The following NAV2 variants were observed in gnomAD, a reference collection of about 807,000 sequenced individuals.
The protein encoded by NAV2 is neuron navigator 2.
In NAV2, 54 loss-of-function variants were observed where a neutral mutation model predicts 223.2. That is an observed-to-expected ratio of 0.24 (90% CI 0.19 to 0.30). The LOEUF (loss-of-function observed/expected upper bound fraction) is 0.30, where lower values mean the gene tolerates loss of function less well. NAV2 is among the 10% of genes least tolerant of loss of function. The pLI, the probability that NAV2 is intolerant of heterozygous loss-of-function variation, is 1.00. For synonymous variants in NAV2, 1,279 were observed against 1,239.3 expected, an observed-to-expected ratio of 1.03 and a Z score of -0.67; for missense variants, 2,806 against 3,147.5, an observed-to-expected ratio of 0.89 and a Z score of 2.60.
At chr11:19,581,954 T>A (rs1162507817) in intron 1 of NAV2, among the ~76,000 whole-genome samples, 1 of 152,248 alleles carries the variant, frequency 6.6e-6, no homozygotes, top group Non-Finnish European at 1.5e-5. Flanking sequence ...ACTTCCACAA[T>A]GGTTGAACTA....
intron 1 of NAV2, among the ~76,000 whole-genome samples, chr11:19,745,180 T>G (rs1445297561): frequency 6.6e-6 from 1 of 152,218 alleles, no homozygotes; most frequent in Non-Finnish European, 1.5e-5. Context: ...CAGAAACTGC[T>G]CATGATCCTG....
chr11:19,693,535 A>T (rs1280719628), intron 1 of NAV2, among the ~76,000 whole-genome samples: 1 of 152,226 alleles, frequency 6.6e-6, no homozygotes, highest in Non-Finnish European at 1.5e-5. Context: ...AATAAAACAA[A>T]AATATATTTA....
At chr11:19,613,440 T>A (rs1468740643) in intron 1 of NAV2, among the ~76,000 whole-genome samples, 2 of 152,224 alleles carry the variant, frequency 1.3e-5, no homozygotes, top group East Asian at 3.8e-4. Flanking sequence ...TATGGACAGA[T>A]CTCCCAGGAG....
At chr11:19,694,571 C>T (rs554328377) in intron 1 of NAV2, among the ~76,000 whole-genome samples, 2 of 152,306 alleles carry the variant, frequency 1.3e-5, no homozygotes, top group African/African-American at 4.8e-5. Context: ...AAGTAACCCA[C>T]CTCTGGTCAT....
chr11:19,777,153 G>A lies in NAV2; in HGVS notation c.268-55331G>A, dbSNP rs1363003905. ...CCCAGCGGCCTCCGCGCTGCGAGGA[G>A]CGGGCGCTTGGACACAGGGCGAGTT... On this transcript the variant is annotated intron_variant, in intron 1 of 37. Coordinates refer to ENST00000349880, the MANE Select transcript of NAV2 (RefSeq NM_145117.5). 7.4e-5 allele frequency among the ~76,000 whole-genome samples: 11 copies of A among 149,508 alleles called. No homozygotes were observed. The East Asian group carries it at 2.3e-3, about 31-fold the overall frequency.
rs749419212 is a variant in NAV2 at position 20,093,219 on chromosome 11, C to G, written c.5916+20C>G. On this transcript the variant is annotated intron_variant, in intron 29 of 37. Coordinates refer to ENST00000349880, the MANE Select transcript of NAV2 (RefSeq NM_145117.5). ...AAGGAGGTTAGTTGGATCCCTTTCCCTGCTTTGCCTGTCCCTCCCCCAGGT... is the reference window on the plus strand; with the variant it reads ...AAGGAGGTTAGTTGGATCCCTTTCCGTGCTTTGCCTGTCCCTCCCCCAGGT... 11 of 1,521,072 alleles carry G rather than the reference C, an allele frequency of 7.2e-6. No homozygotes were observed. In the South Asian group the frequency reaches 1.2e-4, roughly 17 times the overall value. The allele number at this position is 1,521,072 out of a possible 1,614,324, so 94.2% of individuals were successfully genotyped here.
rs571847430 is a variant in NAV2 at position 19,729,907 on chromosome 11, G to A, written c.267+15945G>A. On this transcript the variant is annotated intron_variant, in intron 1 of 37. Transcript: ENST00000349880. ...ACAAATAAGAATGGAGAGGGGAAGG[G>A]GTTGTGTACTCAGCACTTACTATGT... Among the ~76,000 whole-genome samples, 5 of 152,274 alleles carry A rather than the reference G, an allele frequency of 3.3e-5. No individual in the cohort carries two copies. The South Asian group carries it at 1.0e-3, about 32-fold the overall frequency.
chr11:19,440,977 G>A (rs2632067), intron 1 of NAV2, among the ~76,000 whole-genome samples: 5,411 of 152,218 alleles, frequency 0.036, 314 homozygotes, highest in African/African-American at 0.12. Context: ...AGGAAAACAG[G>A]CATTAAATAA....
At chr11:19,716,701 A>T (rs1355319487) in intron 1 of NAV2, among the ~76,000 whole-genome samples, 3 of 152,100 alleles carry the variant, frequency 2.0e-5, no homozygotes, top group Admixed American at 1.3e-4. Context: ...TTTACATATA[A>T]TCTCATTTCA....
intron 10 of NAV2, among the ~76,000 whole-genome samples, chr11:19,972,766 C>T (rs762417409): frequency 5.9e-5 from 9 of 152,154 alleles, no homozygotes; most frequent in South Asian, 2.1e-4. Flanking sequence ...ATCTGCTTGC[C>T]CCAAGCTGAC....
intron 1 of NAV2, among the ~76,000 whole-genome samples, chr11:19,517,051 A>G (rs1353225654): frequency 6.6e-6 from 1 of 152,020 alleles, no homozygotes; most frequent in African/African-American, 2.4e-5. Context: ...CTCTCCAAAA[A>G]AAAAAAATAA....
intron 5 of NAV2, among the ~76,000 whole-genome samples, chr11:19,881,695 C>T (rs562340940): frequency 1.3e-5 from 2 of 152,284 alleles, no homozygotes; most frequent in East Asian, 3.9e-4. Context: ...GAGGTGCCTG[C>T]TCTCCTATGC....
chr11:20,112,645 G>A lies in NAV2; in HGVS notation c.6961-1947G>A, dbSNP rs76034120. On this transcript the variant is annotated intron_variant, in intron 36 of 37. Transcript: ENST00000349880. ...CCTGCTCTGGGTCTGGCTGAGTCACGTGGCTCACATGACTCAGAGTTGTTC... is the reference window on the plus strand; with the variant it reads ...CCTGCTCTGGGTCTGGCTGAGTCACATGGCTCACATGACTCAGAGTTGTTC... Among the ~76,000 whole-genome samples, 192 of 152,298 alleles carry A rather than the reference G, an allele frequency of 1.3e-3. 1 individual carries two copies. In the East Asian group the frequency reaches 0.035, roughly 28 times the overall value.
At chr11:19,705,741 G>GT (rs533769749) in intron 1 of NAV2, among the ~76,000 whole-genome samples, 40 of 152,148 alleles carry the variant, frequency 2.6e-4, no homozygotes, top group African/African-American at 9.4e-4. Context: ...CAAGTATTTG[G>GT]TAGCATAGCA....
intron 1 of NAV2, among the ~76,000 whole-genome samples, chr11:19,458,174 C>A (rs1331331645): frequency 1.3e-5 from 2 of 152,226 alleles, no homozygotes; most frequent in Non-Finnish European, 2.9e-5. Flanking sequence ...CTGAGGAGTT[C>A]TTTGGGCCTG....
intron 1 of NAV2, among the ~76,000 whole-genome samples, chr11:19,614,716 G>A (rs2046744336): frequency 1.3e-5 from 2 of 152,180 alleles, no homozygotes; most frequent in Non-Finnish European, 2.9e-5. Context: ...CATAGGTCAT[G>A]CTGGTGGAGG....
intron 1 of NAV2, among the ~76,000 whole-genome samples, chr11:19,770,737 C>G (rs1392654551): frequency 1.3e-5 from 2 of 152,114 alleles, no homozygotes; most frequent in African/African-American, 4.8e-5. Flanking sequence ...ATTTTTTACC[C>G]TGAACGCCTT....
At chr11:19,648,511 T>G (rs2047879085) in intron 1 of NAV2, among the ~76,000 whole-genome samples, 1 of 152,186 alleles carries the variant, frequency 6.6e-6, no homozygotes, top group South Asian at 2.1e-4. Flanking sequence ...TGGGGCCCAG[T>G]AGCTAAGAGG....
chr11:20,064,091 T>C (rs2058884184), intron 20 of NAV2, among the ~76,000 whole-genome samples: 1 of 152,204 alleles, frequency 6.6e-6, no homozygotes, highest in South Asian at 2.1e-4. Flanking sequence ...AGGCTTTATA[T>C]AGAGTAACCT....
Sources: allele counts gnomAD v4.1 joint callset (sites outside exome capture counted in the v4.1 genomes callset), GRCh38; gene constraint gnomAD v4.1.1; transcripts MANE v1.5; gene names NCBI Gene and HGNC (gene_info 2026-07-23, HGNC 2026-07-21).